The following CRTAC1 variants were observed in gnomAD, a reference collection of about 807,000 sequenced individuals.
The protein encoded by CRTAC1 is cartilage acidic protein 1, also known as acidic secreted protein in cartilage.
A neutral mutation model predicts 67.8 loss-of-function variants in CRTAC1; 37 were observed. That is an observed-to-expected ratio of 0.55 (90% CI 0.42 to 0.72). The LOEUF is 0.72. Among genes scored for constraint, CRTAC1 ranks in the 30% least tolerant of loss-of-function variants. The pLI is 0.00. For synonymous variants in CRTAC1, 348 were observed against 371.0 expected, an observed-to-expected ratio of 0.94 and a Z score of 0.71; for missense variants, 780 against 931.6, an observed-to-expected ratio of 0.84 and a Z score of 2.12.
At chr10:97,894,711 CATATAT>C (rs66795716) in intron 11 of CRTAC1, among the ~76,000 whole-genome samples, 86 of 59,944 alleles carry the variant, frequency 1.4e-3, no homozygotes, top group East Asian at 2.2e-3. Context: ...GATGCTTTTA[CATATAT>C]ATATATATAT....
intron 3 of CRTAC1, among the ~76,000 whole-genome samples, chr10:97,924,099 GCA>G (rs547962383): frequency 1.6e-4 from 24 of 152,226 alleles, no homozygotes; most frequent in African/African-American, 5.5e-4. Context: ...TTGCAGGTCT[GCA>G]CACCACACAA....
At chr10:97,906,914 G>A (rs778092771) in intron 6 of CRTAC1, among the ~76,000 whole-genome samples, 1 of 152,220 alleles carries the variant, frequency 6.6e-6, no homozygotes, top group Non-Finnish European at 1.5e-5. Context: ...AACAGCCAGA[G>A]CTTGCAGGAC....
rs78171047 is a variant in CRTAC1, at chr10:97,890,966, T to C, written c.1486+4279A>G. On this transcript the variant is annotated intron_variant, in intron 11 of 14. Coordinates refer to ENST00000370597, the MANE Select transcript of CRTAC1 (RefSeq NM_018058.7). ...ACAGGCGTGAGCCACTGCACCCGGC[T>C]GCATTTTCTTTTTTTGTAGCCCATT... Among the ~76,000 whole-genome samples, 9 of 152,264 alleles carry C rather than the reference T, an allele frequency of 5.9e-5. No homozygotes were observed. The East Asian group carries it at 1.7e-3, about 29-fold the overall frequency.
At chr10:97,882,380 A>G (rs778377852) in intron 13 of CRTAC1, among the ~76,000 whole-genome samples, 25 of 152,182 alleles carry the variant, frequency 1.6e-4, no homozygotes, top group African/African-American at 5.5e-4. Flanking sequence ...ACCACACTCC[A>G]TACACTATTT....
At position 97,895,373 on chromosome 10, in the gene CRTAC1, C is replaced by T. The variant is rs202006893; in HGVS notation, c.1358G>A (p.Arg453Gln). 1.7e-4 allele frequency: 267 copies of T among 1,612,558 alleles called. No homozygotes were observed. The highest frequency in any genetic ancestry group is 5.0e-5 in the Admixed American group (3 of 59,814). The change falls in exon 11 of 15, where the codon CGG becomes CAG. Residue 453 changes from arginine (R) to glutamine (Q), a missense_variant. Transcript: ENST00000370597. This position sits in a 1 kb window ranked among gnomAD's most constrained non-coding sequence, Gnocchi z 4.2. ...AGCTCCCCTGGCAAAGGCCCCAAAC[C>T]GGGTGCGTGGCACCACTCGCAGCCA... ...NNWLRVVPRT[R>Q]FGAFARGAKV...
Position 97,931,283 on chromosome 10 carries a change from G to A in CRTAC1, c.421+4887C>T, listed in dbSNP as rs1028832956. On this transcript the variant is annotated intron_variant, in intron 3 of 14. Coordinates refer to ENST00000370597, the MANE Select transcript of CRTAC1 (RefSeq NM_018058.7). ...TGGCCCTAGGAAGGACAATCTGGCA[G>A]TGGCTATGAAAACTACACATGTATA... Among the ~76,000 whole-genome samples, 6 of 152,226 alleles carry A rather than the reference G, an allele frequency of 3.9e-5. No homozygotes were observed. In the South Asian group the frequency reaches 1.2e-3, roughly 32 times the overall value.
chr10:97,896,838 C>CCCCCCCCCAA, intron 9 of CRTAC1, 71 bp downstream of exon 9: 1 of 518,606 alleles, frequency 1.9e-6, no homozygotes, highest in Non-Finnish European at 3.6e-6. Context: ...CCCCGTCCCT[C>CCCCCCCCCAA]CCGCCCTCAC....
At position 97,865,876 on chromosome 10, in the gene CRTAC1, C is replaced by T. The variant is rs374196286; in HGVS notation, c.1820-162G>A. On this transcript the variant is annotated intron_variant, in intron 14 of 14. Transcript: ENST00000370597. The stretch of plus-strand genomic sequence containing the variant: ...TCCTGTGGGCCATCAACCTATGCCC[C>T]CTGTCCCTCACCCCCGTCTGGATCA... 6.4e-5 allele frequency: 69 copies of T among 1,070,350 alleles called. No individual in the cohort carries two copies. The African/African-American group carries it at 9.5e-4, about 15-fold the overall frequency. The allele number at this position is 1,070,350 out of a possible 1,614,324, so 66.3% of individuals were successfully genotyped here.
At chr10:97,869,283 G>T (rs557839456) in intron 14 of CRTAC1, 1 of 152,608 alleles carries the variant, frequency 6.6e-6, no homozygotes, top group Non-Finnish European at 1.5e-5. Context: ...CCGGTGAAGG[G>T]TAGTGGGGGA....
intron 3 of CRTAC1, among the ~76,000 whole-genome samples, chr10:97,935,791 C>T (rs1021310753): frequency 2.6e-5 from 4 of 152,080 alleles, no homozygotes; most frequent in Non-Finnish European, 4.4e-5. Context: ...TGGCATCTTC[C>T]GATCACGGCA....
intron 11 of CRTAC1, among the ~76,000 whole-genome samples, chr10:97,891,867 C>A (rs60308123): frequency 1.3e-5 from 2 of 152,254 alleles, no homozygotes; most frequent in Admixed American, 1.3e-4. Flanking sequence ...GTGTCCCTGG[C>A]GGCTGGGTTG....
At chr10:97,898,829 A>G (rs1440344295) in intron 8 of CRTAC1, among the ~76,000 whole-genome samples, 1 of 152,174 alleles carries the variant, frequency 6.6e-6, no homozygotes, top group East Asian at 1.9e-4. Context: ...GACCCTGCAC[A>G]CCGCAGTTGG....
intron 8 of CRTAC1, 101 bp downstream of exon 8, chr10:97,901,402 C>A: frequency 1.4e-6 from 2 of 1,464,094 alleles, no homozygotes; most frequent in Non-Finnish European, 1.9e-6. Context: ...GACCCCCTGG[C>A]CCTGGGAACC....
chr10:98,004,333 G>A (rs981454951), intron 2 of CRTAC1, among the ~76,000 whole-genome samples: 3 of 152,194 alleles, frequency 2.0e-5, no homozygotes, highest in African/African-American at 7.2e-5. Context: ...AGATGTAGAA[G>A]AGGCCCTCTT....
chr10:97,934,098 GT>G (rs1026743447), intron 3 of CRTAC1, among the ~76,000 whole-genome samples: 2 of 152,198 alleles, frequency 1.3e-5, no homozygotes, highest in Non-Finnish European at 2.9e-5. Flanking sequence ...GGGATGGTCT[GT>G]CCCCTTCCTC....
chr10:98,018,093 T>A (rs1843036471), intron 1 of CRTAC1, among the ~76,000 whole-genome samples: 2 of 148,486 alleles, frequency 1.3e-5, no homozygotes, highest in Non-Finnish European at 3.0e-5. Flanking sequence ...TCCCAGCTAC[T>A]CAGGAGGCTG....
chr10:97,982,587 C>T (rs181395637), intron 2 of CRTAC1, among the ~76,000 whole-genome samples: 4 of 152,298 alleles, frequency 2.6e-5, no homozygotes, highest in Admixed American at 6.5e-5. Flanking sequence ...AAGCGCAACA[C>T]GTAGACAATC....
intron 11 of CRTAC1, among the ~76,000 whole-genome samples, chr10:97,894,003 C>T (rs2050415204): frequency 6.6e-6 from 1 of 152,322 alleles, no homozygotes; most frequent in Non-Finnish European, 1.5e-5. Flanking sequence ...GAACTATTAA[C>T]ACCTAGGTTG....
intron 1 of CRTAC1, among the ~76,000 whole-genome samples, chr10:98,019,463 G>A (rs1004413740): frequency 3.3e-5 from 5 of 152,198 alleles, no homozygotes; most frequent in Non-Finnish European, 7.3e-5. Context: ...AATCTGGTGG[G>A]TAGAGGCACA....
Sources: allele counts gnomAD v4.1 joint callset (sites outside exome capture counted in the v4.1 genomes callset), GRCh38; gene constraint gnomAD v4.1.1; non-coding constraint Gnocchi (gnomAD v3.1); transcripts MANE v1.5; gene names NCBI Gene and HGNC (gene_info 2026-07-23, HGNC 2026-07-21).